CADM2: variants seen among roughly 807,000 people sequenced by gnomAD.
The protein encoded by CADM2 is immunoglobulin superfamily member 4D.
A neutral mutation model predicts 49.8 loss-of-function variants in CADM2; 12 were observed. That is an observed-to-expected ratio of 0.24 (90% confidence interval 0.15 to 0.39). The LOEUF (loss-of-function observed/expected upper bound fraction) is 0.39. Ranked by LOEUF, CADM2 falls within the 10% of genes least tolerant of loss-of-function variation. The pLI is 1.00. For synonymous variants in CADM2, 214 were observed against 175.4 expected, an observed-to-expected ratio of 1.22 and a Z score of -1.74; for missense variants, 378 against 492.3, an observed-to-expected ratio of 0.77 and a Z score of 2.20.
intron 1 of CADM2, among the ~76,000 whole-genome samples, chr3:85,612,288 A>G (rs2063699890): frequency 6.6e-6 from 1 of 151,960 alleles, no homozygotes; most frequent in Admixed American, 6.6e-5. Context: ...AGCCACACTT[A>G]GCACTGTGCT....
chr3:85,231,718 T>G (rs907261464), intron 1 of CADM2, among the ~76,000 whole-genome samples: 6 of 150,916 alleles, frequency 4.0e-5, no homozygotes, highest in African/African-American at 1.5e-4. Context: ...TTTTTTTTTT[T>G]TTTTTGTTTT....
chr3:85,544,779 C>A (rs1467039757), intron 1 of CADM2, among the ~76,000 whole-genome samples: 2 of 150,966 alleles, frequency 1.3e-5, no homozygotes, highest in African/African-American at 4.9e-5. Context: ...TTGCATATCT[C>A]ATGGCTAGAG....
At chr3:85,436,984 C>A (rs901809801) in intron 1 of CADM2, among the ~76,000 whole-genome samples, 6 of 152,140 alleles carry the variant, frequency 3.9e-5, no homozygotes, top group African/African-American at 1.4e-4. Context: ...TCTTAAAAAT[C>A]TTTCTTCTGC....
At chr3:85,908,012 A>ACTG (rs1221345480) in intron 5 of CADM2, among the ~76,000 whole-genome samples, 1 of 152,118 alleles carries the variant, frequency 6.6e-6, no homozygotes, top group Non-Finnish European at 1.5e-5. Context: ...TTGAGATTAT[A>ACTG]CTGCTCAAGG....
intron 1 of CADM2, among the ~76,000 whole-genome samples, chr3:85,536,990 C>A (rs2061433846): frequency 6.6e-6 from 1 of 151,846 alleles, no homozygotes; most frequent in Non-Finnish European, 1.5e-5. Context: ...CATGCCTTGC[C>A]TATCCCTTGC....
intron 3 of CADM2, among the ~76,000 whole-genome samples, chr3:85,807,814 C>T (rs1163738932): frequency 2.0e-5 from 3 of 151,934 alleles, no homozygotes; most frequent in African/African-American, 7.2e-5. Flanking sequence ...CCAGCCTTGG[C>T]TAGTAGAATA....
intron 3 of CADM2, among the ~76,000 whole-genome samples, chr3:85,853,675 G>GA (rs749697927): frequency 3.4e-3 from 456 of 134,692 alleles, no homozygotes; most frequent in Middle Eastern, 7.9e-3. Flanking sequence ...TCCATGAGAT[G>GA]AAAAAAAAAA....
At chr3:84,965,222 G>C (rs943005180) in intron 1 of CADM2, among the ~76,000 whole-genome samples, 1 of 152,116 alleles carries the variant, frequency 6.6e-6, no homozygotes, top group Non-Finnish European at 1.5e-5. Context: ...ATCAAGAAAG[G>C]CATCTTCTGC....
intron 1 of CADM2, among the ~76,000 whole-genome samples, chr3:85,705,837 A>G (rs184314364): frequency 1.3e-3 from 200 of 152,288 alleles, no homozygotes; most frequent in African/African-American, 4.4e-3. Flanking sequence ...CTCCTCTTAC[A>G]TATGGATTTT....
intron 3 of CADM2, among the ~76,000 whole-genome samples, chr3:85,869,282 A>G (rs981534574): frequency 6.6e-6 from 1 of 152,086 alleles, no homozygotes; most frequent in Non-Finnish European, 1.5e-5. Context: ...GCCCTTCACT[A>G]AGCAATTACT....
chr3:85,812,546 A>T (rs187030517), intron 3 of CADM2, among the ~76,000 whole-genome samples: 1 of 151,956 alleles, frequency 6.6e-6, no homozygotes, highest in African/African-American at 2.4e-5. Flanking sequence ...TTAATTTTTT[A>T]ATTTTTATTT....
rs74852177 is a variant in CADM2 at position 85,395,447 on chromosome 3, C to G, written c.62-331075C>G. On this transcript the variant is annotated intron_variant, in intron 1 of 9. Coordinates refer to ENST00000383699, the MANE Select transcript of CADM2 (RefSeq NM_001167675.2). Reference sequence around the variant, plus strand: ...CAATTGAATTTAATACAGACTTAGACAGAAAAAAATTTATTGAAACTCAAA... The same window carrying G: ...CAATTGAATTTAATACAGACTTAGAGAGAAAAAAATTTATTGAAACTCAAA... Among the ~76,000 whole-genome samples, 404 of 151,970 alleles carry G rather than the reference C, an allele frequency of 2.7e-3. 10 individuals are homozygous for G. In the East Asian group the frequency reaches 0.067, roughly 25 times the overall value.
chr3:85,212,823 T>TTTCC lies in CADM2; in HGVS notation c.61+253158_61+253159insCTTC, dbSNP rs770453619. Among the ~76,000 whole-genome samples, 286 of 81,126 alleles carry TTTCC rather than the reference T, an allele frequency of 3.5e-3. 46 individuals are homozygous for TTTCC. The highest frequency in any genetic ancestry group is 0.01 in the South Asian group (25 of 2,466). 53.2% of individuals were successfully genotyped at this position (81,126 alleles called of 152,430 possible). A position where few individuals can be genotyped will look rare whatever the true frequency, so the allele number is the denominator to read the frequency against. On this transcript the variant is annotated intron_variant, in intron 1 of 9. Coordinates refer to ENST00000383699, the MANE Select transcript of CADM2 (RefSeq NM_001167675.2). ...TTCTTCTTTTTCTTCTCTTTCTTTC[T>TTTCC]TTCTTTCTTTCTTTCTTTCTTTCTT... is the stretch of plus-strand genomic sequence containing the variant.
At chr3:85,056,457 A>C (rs2036083731) in intron 1 of CADM2, among the ~76,000 whole-genome samples, 1 of 152,018 alleles carries the variant, frequency 6.6e-6, no homozygotes, top group Non-Finnish European at 1.5e-5. Flanking sequence ...CACAATGAAA[A>C]TTTTTATTCA....
chr3:86,002,712 G>A (rs549176195), intron 8 of CADM2, among the ~76,000 whole-genome samples: 157 of 152,264 alleles, frequency 1.0e-3, no homozygotes, highest in African/African-American at 3.5e-3. Context: ...GGAACAGAAA[G>A]TTTTGAAAAC....
intron 1 of CADM2, among the ~76,000 whole-genome samples, chr3:85,151,924 G>A (rs2107647624): frequency 6.6e-6 from 1 of 152,252 alleles, no homozygotes; most frequent in Admixed American, 6.5e-5. Context: ...TCAATGAGTA[G>A]AGTATATTAA....
At chr3:85,266,555 A>T (rs1409904622) in intron 1 of CADM2, among the ~76,000 whole-genome samples, 2 of 67,322 alleles carry the variant, frequency 3.0e-5, no homozygotes, top group East Asian at 6.0e-4. Context: ...TAAATGATTT[A>T]TCTCAATGAT....
chr3:85,823,061 C>CTTTG (rs2073689623), intron 3 of CADM2, among the ~76,000 whole-genome samples: 1 of 152,090 alleles, frequency 6.6e-6, no homozygotes, highest in Non-Finnish European at 1.5e-5. Flanking sequence ...GCTGGCTGTC[C>CTTTG]AACCTACATA....
At chr3:85,367,053 C>T (rs1226336773) in intron 1 of CADM2, among the ~76,000 whole-genome samples, 4 of 151,690 alleles carry the variant, frequency 2.6e-5, no homozygotes, top group Non-Finnish European at 5.9e-5. Context: ...ATTTCTGTGT[C>T]AAAGAATAAA....
Sources: allele counts gnomAD v4.1 joint callset (sites outside exome capture counted in the v4.1 genomes callset), GRCh38; gene constraint gnomAD v4.1.1; transcripts MANE v1.5; gene names NCBI Gene and HGNC (gene_info 2026-07-23, HGNC 2026-07-21).